MMP24: variants seen among roughly 807,000 people sequenced by gnomAD.
MMP24 encodes the protein matrix metallopeptidase 24.
In MMP24, 25 loss-of-function variants were observed where a neutral mutation model predicts 62.8. The ratio of observed to expected loss-of-function variants is 0.40; its 90% CI spans 0.29 to 0.56. MMP24 has a LOEUF of 0.56. Ranked by LOEUF, MMP24 falls within the 20% of genes least tolerant of loss-of-function variation. The pLI, the probability that MMP24 is intolerant of heterozygous loss-of-function variation, is 0.50. For synonymous variants in MMP24, 319 were observed against 350.5 expected, an observed-to-expected ratio of 0.91 and a Z score of 1.00; for missense variants, 634 against 853.6, an observed-to-expected ratio of 0.74 and a Z score of 3.21.
chr20:35,234,205 C>A (rs1342471367), intron 1 of MMP24, among the ~76,000 whole-genome samples: 2 of 152,252 alleles, frequency 1.3e-5, no homozygotes, highest in Non-Finnish European at 2.9e-5. Context: ...CTTCACCTAG[C>A]CTCTTCTGTT....
chr20:35,227,313 G>C (rs928811212), intron 1 of MMP24, among the ~76,000 whole-genome samples: 1 of 151,832 alleles, frequency 6.6e-6, no homozygotes, highest in Non-Finnish European at 1.5e-5. Context: ...CAACGCCTCG[G>C]AGTAAATAGT....
rs1232461496 is a variant in MMP24 at position 35,240,135 on chromosome 20, A to G, written c.247-6705A>G. 2.0e-5 allele frequency among the ~76,000 whole-genome samples: 3 copies of G among 152,078 alleles called. No individual in the cohort carries two copies. In the East Asian group the frequency reaches 5.8e-4, roughly 29 times the overall value. On this transcript the variant is annotated intron_variant, in intron 1 of 8. Coordinates refer to ENST00000246186, the MANE Select transcript of MMP24 (RefSeq NM_006690.4). ...CAGAGCTCTGCCTCTTGCCACCCCC[A>G]TTGCCACTTCTAACCTCACCACCAC...
rs1568624353 is a variant in MMP24, at chr20:35,274,676, G to A, written c.*67G>A. The A allele has an allele frequency of 2.1e-5, 29 of 1,375,188 alleles. No homozygotes were observed. Among genetic ancestry groups the A allele is most frequent in the Non-Finnish European group, 2.7e-5 (27 of 1,009,480 alleles). 85.2% of individuals were successfully genotyped at this position (1,375,188 alleles called of 1,614,324 possible). ...GGCCCTTCCTCACCAGGGTCTGAGGGGCAGCTCTGGCCAGTGCTCACCAGG... is the reference window on the plus strand; with the variant it reads ...GGCCCTTCCTCACCAGGGTCTGAGGAGCAGCTCTGGCCAGTGCTCACCAGG... On this transcript the variant is annotated 3_prime_UTR_variant, in exon 9 of 9. Coordinates refer to ENST00000246186, the MANE Select transcript of MMP24 (RefSeq NM_006690.4). The surrounding 1 kb of genome is among the most constrained non-coding windows in gnomAD (Gnocchi z 5.1).
intron 1 of MMP24, among the ~76,000 whole-genome samples, chr20:35,229,990 TTTTA>T (rs762771768): frequency 3.9e-5 from 6 of 152,164 alleles, no homozygotes; most frequent in East Asian, 1.9e-4. Context: ...TTTTTATTTA[TTTTA>T]TTTATTTATT....
At chr20:35,257,028 C>T (rs897648771) in intron 4 of MMP24, among the ~76,000 whole-genome samples, 2 of 152,132 alleles carry the variant, frequency 1.3e-5, no homozygotes, top group African/African-American at 2.4e-5. Context: ...TTTTCCTGCC[C>T]TGCGGCTGCT....
intron 1 of MMP24, among the ~76,000 whole-genome samples, chr20:35,228,490 G>C (rs965137310): frequency 6.6e-6 from 1 of 152,180 alleles, no homozygotes; most frequent in Non-Finnish European, 1.5e-5. Flanking sequence ...GAGTGCACAG[G>C]ATGAGGTGGA....
At chr20:35,238,145 C>T (rs973545677) in intron 1 of MMP24, among the ~76,000 whole-genome samples, 1 of 152,090 alleles carries the variant, frequency 6.6e-6, no homozygotes, top group African/African-American at 2.4e-5. Context: ...ACTGCAGAGC[C>T]GAGGCACAGA....
intron 5 of MMP24, 104 bp from the exon 6 acceptor site, chr20:35,267,101 G>C: frequency 2.1e-6 from 2 of 952,926 alleles, no homozygotes; most frequent in Non-Finnish European, 3.1e-6. Flanking sequence ...ACAGGAGGCT[G>C]AACTGGGACA....
intron 1 of MMP24, among the ~76,000 whole-genome samples, chr20:35,242,330 T>A (rs2060492337): frequency 6.6e-6 from 1 of 151,724 alleles, no homozygotes; most frequent in South Asian, 2.1e-4. Context: ...AGACTCCATC[T>A]CAAAAAATAA....
intron 5 of MMP24, among the ~76,000 whole-genome samples, chr20:35,265,053 T>C (rs914183696): frequency 6.6e-6 from 1 of 152,152 alleles, no homozygotes; most frequent in African/African-American, 2.4e-5. Flanking sequence ...TCCCAGAAGC[T>C]ATTCCAAAGG....
chr20:35,266,404 A>C (rs1279110807), intron 5 of MMP24, among the ~76,000 whole-genome samples: 1 of 151,650 alleles, frequency 6.6e-6, no homozygotes, highest in East Asian at 1.9e-4. Flanking sequence ...TGCTTCCTGA[A>C]CATCCAGTTT....
intron 1 of MMP24, among the ~76,000 whole-genome samples, chr20:35,229,470 C>A (rs2060428685): frequency 6.6e-6 from 1 of 152,150 alleles, no homozygotes; most frequent in Admixed American, 6.5e-5. Flanking sequence ...ACAATGACTC[C>A]ATTTTAAATG....
intron 5 of MMP24, among the ~76,000 whole-genome samples, chr20:35,265,205 G>T (rs2060626550): frequency 6.6e-6 from 1 of 152,224 alleles, no homozygotes; most frequent in Admixed American, 6.5e-5. Flanking sequence ...TAGGCTGGAG[G>T]CCGAGGCGGG....
chr20:35,248,461 A>G (rs1744255770), intron 2 of MMP24, among the ~76,000 whole-genome samples: 1 of 151,926 alleles, frequency 6.6e-6, no homozygotes, highest in Non-Finnish European at 1.5e-5. Context: ...ATGTACCACC[A>G]TGCTGGCTAA....
At chr20:35,245,543 G>T (rs536175969) in intron 1 of MMP24, among the ~76,000 whole-genome samples, 1 of 151,894 alleles carries the variant, frequency 6.6e-6, no homozygotes, top group South Asian at 2.1e-4. Flanking sequence ...CTGCCTCCCA[G>T]GTCCGAGTGA....
intron 4 of MMP24, among the ~76,000 whole-genome samples, chr20:35,260,609 G>T (rs560689827): frequency 6.6e-6 from 1 of 152,244 alleles, no homozygotes; most frequent in African/African-American, 2.4e-5. Flanking sequence ...GGAGCTCAGC[G>T]ATGAGCTCAC....
rs533633567 is a variant in MMP24, at chr20:35,253,266, G to A, written c.513-1184G>A. The stretch of plus-strand genomic sequence containing the variant: ...TGCTGACAAGCACTCCCTACAGAAC[G>A]GGACTTTTTTTTTTTTTTTTTTTTT... On this transcript the variant is annotated intron_variant, in intron 3 of 8. Coordinates refer to ENST00000246186, the MANE Select transcript of MMP24 (RefSeq NM_006690.4). Among the ~76,000 whole-genome samples, 9 of 99,696 alleles carry A rather than the reference G, an allele frequency of 9.0e-5. No homozygotes were observed. The East Asian group carries it at 2.2e-3, about 25-fold the overall frequency. The allele number at this position is 99,696 out of a possible 152,430, so 65.4% of individuals were successfully genotyped here.
intron 5 of MMP24, among the ~76,000 whole-genome samples, chr20:35,265,531 A>G (rs1262052725): frequency 6.6e-6 from 1 of 152,200 alleles, no homozygotes; most frequent in African/African-American, 2.4e-5. Flanking sequence ...TATGTATTAA[A>G]TAAACTACTA....
In MMP24 at chr20:35,275,122, A is replaced by G. The variant is rs1413599096; in HGVS notation, c.*513A>G. The stretch of plus-strand genomic sequence containing the variant: ...AGGCTACAGGACCCCTGCTTCTGAC[A>G]CAGTGAGCAACAAGCCTGGGTTTCC... On this transcript the variant is annotated 3_prime_UTR_variant, in exon 9 of 9. Transcript: ENST00000246186. 6.3e-6 allele frequency: 1 copy of G among 158,364 alleles called. No homozygotes were observed. Among genetic ancestry groups the G allele is most frequent in the Non-Finnish European group, 1.4e-5 (1 of 71,234 alleles). 9.8% of individuals were successfully genotyped at this position (158,364 alleles called of 1,614,324 possible).
Sources: allele counts gnomAD v4.1 joint callset (sites outside exome capture counted in the v4.1 genomes callset), GRCh38; gene constraint gnomAD v4.1.1; non-coding constraint Gnocchi (gnomAD v3.1); transcripts MANE v1.5; gene names NCBI Gene and HGNC (gene_info 2026-07-23, HGNC 2026-07-21).